Variants in SAMD5 observed in about 807,000 individuals in gnomAD.
SAMD5 encodes the protein sterile alpha motif domain containing 5, also known as sterile alpha motif domain-containing protein 5.
A neutral mutation model predicts 11.3 loss-of-function variants in SAMD5; 13 were observed. That is an observed-to-expected ratio of 1.15 (90% CI 0.75 to 1.83). The LOEUF is 1.83. Among genes scored for constraint, SAMD5 ranks in the 40% most tolerant of loss-of-function variants. SAMD5 has a pLI of 0.00. For synonymous variants in SAMD5, 129 were observed against 111.3 expected (o/e 1.16, Z -1.00); for missense variants, 255 against 239.1 (o/e 1.07, Z -0.44).
At chr6:147,942,739 C>CTCTT in the SAMD5 span, among the ~76,000 whole-genome samples, 1 of 151,816 alleles carries the variant, frequency 6.6e-6, no homozygotes, top group African/African-American at 2.4e-5. Flanking sequence ...TGAATAATTT[C>CTCTT]TCTTTCTTTC....
At chr6:147,830,279 A>C in the SAMD5 span, among the ~76,000 whole-genome samples, 4 of 69,592 alleles carry the variant, frequency 5.7e-5, no homozygotes, top group African/African-American at 2.5e-4. Context: ...TTTTTTTTGA[A>C]TGAGTCTTAC....
At chr6:147,699,405 T>C (rs1288863023) in intron 1 of SAMD5, among the ~76,000 whole-genome samples, 1 of 152,198 alleles carries the variant, frequency 6.6e-6, no homozygotes. Context: ...ACTTGTACTG[T>C]AGTATTAGAG....
At chr6:147,597,758 C>T (rs1789553458) in intron 1 of SAMD5, among the ~76,000 whole-genome samples, 3 of 152,358 alleles carry the variant, frequency 2.0e-5, no homozygotes, top group Admixed American at 2.0e-4. Context: ...GCTTCAAACT[C>T]ACGTGAGCCC....
At chr6:147,615,025 C>T (rs1288863995) in intron 1 of SAMD5, among the ~76,000 whole-genome samples, 2 of 151,868 alleles carry the variant, frequency 1.3e-5, no homozygotes. Context: ...CAACTATTTA[C>T]ATACCATTTG....
the SAMD5 span, among the ~76,000 whole-genome samples, chr6:147,891,078 G>A: frequency 6.6e-6 from 1 of 152,176 alleles, no homozygotes; most frequent in Non-Finnish European, 1.5e-5. Flanking sequence ...TCCCACAGAT[G>A]TCTTCAAAAT....
chr6:147,826,580 G>T, the SAMD5 span, among the ~76,000 whole-genome samples: 2 of 152,186 alleles, frequency 1.3e-5, no homozygotes, highest in African/African-American at 4.8e-5. Context: ...TGAGGATGAG[G>T]TGAGAATTCG....
At chr6:147,629,756 T>C (rs1489916226) in intron 1 of SAMD5, among the ~76,000 whole-genome samples, 1 of 152,178 alleles carries the variant, frequency 6.6e-6, no homozygotes, top group Non-Finnish European at 1.5e-5. Context: ...GTCCTGACCA[T>C]GTGGTTTCTT....
chr6:147,809,565 G>A, the SAMD5 span, among the ~76,000 whole-genome samples: 1 of 152,204 alleles, frequency 6.6e-6, no homozygotes, highest in South Asian at 2.1e-4. Context: ...AAAGGTAACA[G>A]ATTCAGAGAA....
the SAMD5 span, among the ~76,000 whole-genome samples, chr6:147,849,272 G>GA: frequency 2.4e-4 from 35 of 148,440 alleles, no homozygotes; most frequent in Non-Finnish European, 3.1e-4. Flanking sequence ...TAAACTTTGA[G>GA]AAAAAAAATT....
the SAMD5 span, among the ~76,000 whole-genome samples, chr6:147,815,799 C>G: frequency 5.3e-5 from 8 of 152,112 alleles, no homozygotes; most frequent in African/African-American, 1.7e-4. Flanking sequence ...TCAGATGGGT[C>G]AGTGTCCTAT....
At chr6:147,803,118 T>G in the SAMD5 span, among the ~76,000 whole-genome samples, 11,846 of 150,784 alleles carry the variant, frequency 0.079, 703 homozygotes, top group African/African-American at 0.16. Context: ...TATAAGACTT[T>G]TGGCCTTCCT....
chr6:147,686,278 T>C (rs1026515359), intron 1 of SAMD5, among the ~76,000 whole-genome samples: 1 of 152,206 alleles, frequency 6.6e-6, no homozygotes, highest in Admixed American at 6.5e-5. Flanking sequence ...CTCAATATTA[T>C]GTAGTCCAAT....
the SAMD5 span, among the ~76,000 whole-genome samples, chr6:147,795,636 A>G: frequency 1 from 146,298 of 146,530 alleles, 73,033 homozygotes; most frequent in Middle Eastern, 1. Context: ...CTGAGGAATC[A>G]CCACACTGTC....
chr6:147,750,203 A>G, the SAMD5 span, among the ~76,000 whole-genome samples: 16 of 152,364 alleles, frequency 1.1e-4, no homozygotes, highest in Admixed American at 3.3e-4. Flanking sequence ...AAGCAAAACC[A>G]TCGCTTGACT....
chr6:147,586,595 G>A (rs1408491522), intron 1 of SAMD5, among the ~76,000 whole-genome samples: 1 of 151,898 alleles, frequency 6.6e-6, no homozygotes, highest in African/African-American at 2.4e-5. Context: ...AGTCCATATT[G>A]TCTAGATATT....
At chr6:147,909,485 A>C in the SAMD5 span, among the ~76,000 whole-genome samples, 1 of 143,452 alleles carries the variant, frequency 7.0e-6, no homozygotes, top group South Asian at 2.1e-4. Context: ...AAGAAAATTA[A>C]ATAAAACATA....
chr6:147,891,189 G>A, the SAMD5 span, among the ~76,000 whole-genome samples: 1 of 152,196 alleles, frequency 6.6e-6, no homozygotes, highest in South Asian at 2.1e-4. Context: ...TCTTGGGGAG[G>A]AAGGGAAAAG....
At chr6:147,950,146 G>A in the SAMD5 span, among the ~76,000 whole-genome samples, 7 of 152,152 alleles carry the variant, frequency 4.6e-5, no homozygotes, top group Non-Finnish European at 7.3e-5. Flanking sequence ...GCAGTTAGCC[G>A]TGCAGAGAAA....
At chr6:147,688,067 C>T (rs1791044283) in intron 1 of SAMD5, among the ~76,000 whole-genome samples, 1 of 152,078 alleles carries the variant, frequency 6.6e-6, no homozygotes, top group Non-Finnish European at 1.5e-5. Flanking sequence ...CAGAACTTTT[C>T]ACAGGGTCCC....
Sources: gnomAD v4.1 joint callset for allele counts (sites outside exome capture counted in the v4.1 genomes callset) on GRCh38, gnomAD v4.1.1 for gene constraint, MANE v1.5 for transcripts, NCBI Gene and HGNC (gene_info 2026-07-23, HGNC 2026-07-21) for gene names.